IGSF9B: variants seen among roughly 807,000 people sequenced by gnomAD.
The protein encoded by IGSF9B is protein turtle homolog B.
Under a neutral mutation model 143.7 loss-of-function variants are expected in IGSF9B, and 48 were observed. The observed-to-expected ratio is 0.33, with a 90% confidence interval of 0.26 to 0.42. The LOEUF (loss-of-function observed/expected upper bound fraction) is 0.42. IGSF9B is among the 20% of genes least tolerant of loss of function. The probability of loss-of-function intolerance (pLI) is 1.00; values close to 1 mark genes in which losing one functional copy is unlikely to be tolerated. For missense variants in IGSF9B, 1,706 were observed against 1,980.0 expected (o/e 0.86, Z 2.63); for synonymous variants, 903 against 833.1 (o/e 1.08, Z -1.44).
At chr11:133,937,327 C>T in intron 5 of IGSF9B, 49 bp downstream of exon 5, 1 of 1,399,562 alleles carries the variant, frequency 7.1e-7, no homozygotes, top group South Asian at 1.2e-5. Context: ...CCGGGCTGGA[C>T]ATCCCCGCGG....
At chr11:133,911,489 A>C (rs1392261857) in intron 19 of IGSF9B, among the ~76,000 whole-genome samples, 3 of 152,218 alleles carry the variant, frequency 2.0e-5, no homozygotes, top group African/African-American at 7.2e-5. Flanking sequence ...TGAAATGCAG[A>C]GTGGAAAAAT....
At position 133,956,838 on chromosome 11, in the gene IGSF9B, C is replaced by G; in HGVS notation, c.-84G>C. 3 of 830,484 alleles carry G rather than the reference C, an allele frequency of 3.6e-6. No homozygotes were observed. The highest frequency in any genetic ancestry group is 1.8e-5 in the African/African-American group (1 of 55,386). 51.4% of individuals were successfully genotyped at this position (830,484 alleles called of 1,614,324 possible). On this transcript the variant is annotated 5_prime_UTR_variant, in exon 1 of 20. Transcript: ENST00000533871. ...GCGCCTCGCGCCCGAGCGCCCGCCTCGCGCCCGCCTCGCGCCGCCTACGCC... is the reference window on the plus strand; with the variant it reads ...GCGCCTCGCGCCCGAGCGCCCGCCTGGCGCCCGCCTCGCGCCGCCTACGCC...
intron 18 of IGSF9B, among the ~76,000 whole-genome samples, chr11:133,915,546 T>C (rs1327479168): frequency 6.6e-6 from 1 of 152,046 alleles, no homozygotes; most frequent in African/African-American, 2.4e-5. Flanking sequence ...GCCCACACTC[T>C]TTTTCTCTCT....
At position 133,948,484 on chromosome 11, in the gene IGSF9B, T is replaced by C. The variant is rs1940099413; in HGVS notation, c.65-2226A>G. Among the ~76,000 whole-genome samples, 1 of 152,148 alleles carries C rather than the reference T, an allele frequency of 6.6e-6. No homozygotes were observed. Among genetic ancestry groups the C allele is most frequent in the Non-Finnish European group, 1.5e-5 (1 of 68,024 alleles). On this transcript the variant is annotated intron_variant, in intron 1 of 19. Transcript: ENST00000533871. The surrounding 1 kb of genome is among the most constrained non-coding windows in gnomAD (Gnocchi z 4.7). ...AGGGAAAGCAGGGAGAGTGCCCAGC[T>C]GCAGCCTCACCTCCCCCACAGCCCC...
In IGSF9B at chr11:133,920,438, G is replaced by A. The variant is rs369696850; in HGVS notation, c.3287C>T (p.Ser1096Phe). Residue 1096 changes from serine (S) to phenylalanine (F), a missense_variant, in exon 18 of 20, where the codon TCT (serine) becomes TTT (phenylalanine). By Grantham distance (155) the Ser-to-Phe change is radical (BLOSUM62 -2). Around this residue, in one of 7 missense-constraint regions of IGSF9B, gnomAD observed 880 missense variants for 762.9 expected, o/e 1.15. Transcript: ENST00000533871. ...QVPAAYPGILSLEAPKGWAGK... is the reference protein window; with the variant it reads ...QVPAAYPGILFLEAPKGWAGK... ...TGCCCAACCCTTCGGTGCCTCCAGA[G>A]ACAGGATGCCCGGGTAGGCCGCGGG... The A allele has an allele frequency of 3.2e-6, 5 of 1,575,902 alleles. No individual in the cohort carries two copies. Among genetic ancestry groups the A allele is most frequent in the African/African-American group, 2.7e-5 (2 of 73,726 alleles).
rs1195469827 is a variant in IGSF9B, at chr11:133,903,764, G to C, written c.*5305C>G. On this transcript the variant is annotated 3_prime_UTR_variant, in exon 20 of 20. Coordinates refer to ENST00000533871, the MANE Select transcript of IGSF9B (RefSeq NM_001277285.4). ...TTGCTCCTGAAAGAAGGTTTTGAGAGTACAGACAGGAACCCAGAAATAAGG... is the reference window on the plus strand; with the variant it reads ...TTGCTCCTGAAAGAAGGTTTTGAGACTACAGACAGGAACCCAGAAATAAGG... 6.6e-6 allele frequency among the ~76,000 whole-genome samples: 1 copy of C among 152,198 alleles called. No homozygotes were observed. Among genetic ancestry groups the C allele is most frequent in the Non-Finnish European group, 1.5e-5 (1 of 68,040 alleles).
At chr11:133,935,545 AGCCT>A (rs139927942) in intron 7 of IGSF9B, 68 bp downstream of exon 7, 95,490 of 1,484,580 alleles carry the variant, frequency 0.064, 3,633 homozygotes, top group Non-Finnish European at 0.072. Context: ...GCTACCCTCC[AGCCT>A]ACAGTCTGGC....
chr11:133,922,515 G>A (rs1160465819), intron 16 of IGSF9B, 54 bp downstream of exon 16: 1 of 1,557,642 alleles, frequency 6.4e-7, no homozygotes, highest in African/African-American at 1.4e-5. Context: ...CTCTCTTGAT[G>A]GGGGGCATTT....
intron 18 of IGSF9B, among the ~76,000 whole-genome samples, chr11:133,918,175 T>C (rs1482403866): frequency 2.0e-5 from 3 of 151,672 alleles, no homozygotes; most frequent in Non-Finnish European, 2.9e-5. Flanking sequence ...ATGGTTTGGA[T>C]CCCCTGTCCA....
In IGSF9B at chr11:133,936,279, A is replaced by C. The variant is rs541969167; in HGVS notation, c.680-85T>G. 1,656 of 1,297,874 alleles carry C rather than the reference A, an allele frequency of 1.3e-3. 21 individuals are homozygous for C. Among genetic ancestry groups the C allele is most frequent in the Non-Finnish European group, 5.7e-4 (529 of 925,978 alleles). 80.4% of individuals were successfully genotyped at this position (1,297,874 alleles called of 1,614,324 possible). ...GCCTCCTGGGAGCCCTCAGTGCCTC[A>C]GGAAGCGGTGCCCTGAACACTGCGA... On this transcript the variant is annotated intron_variant, in intron 5 of 19. Transcript: ENST00000533871.
rs1417934536 is a variant in IGSF9B at position 133,946,206 on chromosome 11, C to T, written c.117G>A (p.Glu39=). ...TCACGTCGCATCGCAGGACCACGCTCTCCCCAGCTCTTGCCGTCACAAACT... is the reference window on the plus strand; with the variant it reads ...TCACGTCGCATCGCAGGACCACGCTTTCCCCAGCTCTTGCCGTCACAAACT... ...EPEFVTARAG[E]SVVLRCDVIH... The change falls in exon 2 of 20, where the codon GAG becomes GAA. Residue 39 remains glutamate, a synonymous_variant. Coordinates refer to ENST00000533871, the MANE Select transcript of IGSF9B (RefSeq NM_001277285.4). 6 of 1,613,582 alleles carry T rather than the reference C, an allele frequency of 3.7e-6. No homozygotes were observed. Among genetic ancestry groups the T allele is most frequent in the African/African-American group, 1.3e-5 (1 of 74,928 alleles).
At chr11:133,914,229 G>A (rs1291489414) in intron 18 of IGSF9B, among the ~76,000 whole-genome samples, 1 of 152,108 alleles carries the variant, frequency 6.6e-6, no homozygotes, top group African/African-American at 2.4e-5. Flanking sequence ...TTTTCAGATG[G>A]AGACACTGAA....
At chr11:133,922,321 A>G (rs1939556091) in intron 16 of IGSF9B, 99 bp from the exon 17 acceptor site, 2 of 1,144,964 alleles carry the variant, frequency 1.7e-6, no homozygotes, top group Non-Finnish European at 2.5e-6. Flanking sequence ...ACCACCGCAC[A>G]GGGAAGGAGC....
At chr11:133,955,915 C>T (rs1165742628) in intron 1 of IGSF9B, among the ~76,000 whole-genome samples, 1 of 152,038 alleles carries the variant, frequency 6.6e-6, no homozygotes, top group Non-Finnish European at 1.5e-5. Flanking sequence ...CCCCCGCCGC[C>T]GCCCCCAGCC....
At position 133,897,199 on chromosome 11, in the gene IGSF9B, G is replaced by A. The variant is rs1939033923; in HGVS notation, c.*11870C>T. The stretch of plus-strand genomic sequence containing the variant: ...ACACCTCCCTTCCCTGACGGAGAAG[G>A]GAAGGAGGCAGAAAACAGGGGAGAG... On this transcript the variant is annotated 3_prime_UTR_variant, in exon 20 of 20. Coordinates refer to ENST00000533871, the MANE Select transcript of IGSF9B (RefSeq NM_001277285.4). 6.6e-6 allele frequency: 1 copy of A among 152,148 alleles called. No individual in the cohort carries two copies. The highest frequency in any genetic ancestry group is 2.1e-4 in the South Asian group (1 of 4,828). 9.4% of individuals were successfully genotyped at this position (152,148 alleles called of 1,614,324 possible).
At chr11:133,941,483 T>C (rs1290455342) in intron 3 of IGSF9B, among the ~76,000 whole-genome samples, 1 of 152,224 alleles carries the variant, frequency 6.6e-6, no homozygotes, top group Non-Finnish European at 1.5e-5. Context: ...ACATTCTAGT[T>C]TGAAAGCAAC....
chr11:133,955,842 G>A (rs1195410575), intron 1 of IGSF9B, among the ~76,000 whole-genome samples: 4 of 152,104 alleles, frequency 2.6e-5, no homozygotes, highest in Non-Finnish European at 5.9e-5. Context: ...AAAGCGGAAA[G>A]AGAAAATCCC....
chr11:133,955,664 AC>A (rs1940237795), intron 1 of IGSF9B, among the ~76,000 whole-genome samples: 1 of 151,924 alleles, frequency 6.6e-6, no homozygotes, highest in Non-Finnish European at 1.5e-5. Flanking sequence ...CAGTCCTGGC[AC>A]CCTCCAGGCT....
chr11:133,950,133 C>T (rs975749817), intron 1 of IGSF9B, among the ~76,000 whole-genome samples: 1 of 152,204 alleles, frequency 6.6e-6, no homozygotes, highest in Admixed American at 6.5e-5. Context: ...CCGTTGGACC[C>T]CTGTGCAGAA....
Sources: gnomAD v4.1 joint callset for allele counts (sites outside exome capture counted in the v4.1 genomes callset) on GRCh38, gnomAD v4.1.1 for gene constraint, gnomAD v4.1.1 regional missense constraint, Gnocchi (gnomAD v3.1) non-coding constraint, MANE v1.5 for transcripts, NCBI Gene and HGNC (gene_info 2026-07-23, HGNC 2026-07-21) for gene names.